The following IHO1 variants were observed in gnomAD, a reference collection of about 807,000 sequenced individuals.
IHO1 encodes the protein interactor of HORMAD1 protein 1.
In IHO1, 13 loss-of-function variants were observed where a neutral mutation model predicts 31.0. The ratio of observed to expected loss-of-function variants is 0.42; its 90% confidence interval spans 0.27 to 0.67. The LOEUF is 0.67. IHO1 is among the 30% of genes least tolerant of loss of function. IHO1 has a pLI of 0.24. For missense variants in IHO1, 599 were observed against 687.5 expected (o/e 0.87, Z 1.44); for synonymous variants, 221 against 248.4 (o/e 0.89, Z 1.04).
intron 2 of IHO1, among the ~76,000 whole-genome samples, chr3:49,221,573 A>G (rs192287647): frequency 6.6e-6 from 1 of 152,260 alleles, no homozygotes; most frequent in East Asian, 1.9e-4. Flanking sequence ...CGCTATAGCT[A>G]CTTCCTGCTG....
At position 49,236,656 on chromosome 3, in the gene IHO1, A is replaced by G. The variant is rs1372876547; in HGVS notation, c.165A>G (p.Leu55=). The part of the protein sequence containing the change: ...SQFCPENSET[L]SAPLDFGAHL... The stretch of plus-strand genomic sequence containing the variant: ...TCTGTCCAGAAAATTCAGAAACCCT[A>G]TCAGCACCCTTGGACTTTGGTGCCC... Residue 55 remains leucine (L), a synonymous_variant, in exon 3 of 8, where the codon CTA becomes CTG. Coordinates refer to ENST00000452691, the MANE Select transcript of IHO1 (RefSeq NM_001135197.2). The G allele has an allele frequency of 1.2e-6, 2 of 1,614,100 alleles. No homozygotes were observed. The highest frequency in any genetic ancestry group is 1.7e-6 in the Non-Finnish European group (2 of 1,179,966).
chr3:49,195,191 G>A (rs887546141), upstream of IHO1, among the ~76,000 whole-genome samples: 1 of 152,144 alleles, frequency 6.6e-6, no homozygotes, highest in Non-Finnish European at 1.5e-5. Context: ...AGGCCGAAGC[G>A]GGCAGATCAC....
chr3:49,247,390 C>T (rs539222979), intron 6 of IHO1, among the ~76,000 whole-genome samples: 8 of 151,716 alleles, frequency 5.3e-5, no homozygotes, highest in Admixed American at 1.3e-4. Flanking sequence ...GCCACCACAC[C>T]TGGCTATTTT....
At chr3:49,242,038 G>T (rs568901220) in intron 4 of IHO1, among the ~76,000 whole-genome samples, 96 of 151,990 alleles carry the variant, frequency 6.3e-4, no homozygotes, top group Non-Finnish European at 1.2e-3. Flanking sequence ...CCGCCTCCTG[G>T]GTTCAAGTGA....
At chr3:49,255,328 G>C in intron 6 of IHO1, 62 bp from the exon 7 acceptor site, 3 of 1,167,142 alleles carry the variant, frequency 2.6e-6, no homozygotes, top group Admixed American at 2.5e-5. Flanking sequence ...TCTGTGGTTT[G>C]GGCAGATGGG....
intron 1 of IHO1, among the ~76,000 whole-genome samples, chr3:49,206,156 G>A (rs2046133816): frequency 6.6e-6 from 1 of 152,114 alleles, no homozygotes; most frequent in Non-Finnish European, 1.5e-5. Flanking sequence ...AGTAGAGACG[G>A]GGTTTCACCA....
upstream of IHO1, among the ~76,000 whole-genome samples, chr3:49,194,292 G>GTATATATATATATATATA (rs141683116): frequency 1.5e-4 from 18 of 120,172 alleles, no homozygotes; most frequent in African/African-American, 4.9e-4. Flanking sequence ...AGTACAAAGT[G>GTATATATATATATATATA]TATATATATA....
intron 1 of IHO1, among the ~76,000 whole-genome samples, chr3:49,202,862 T>G (rs550252942): frequency 7.0e-6 from 1 of 142,746 alleles, no homozygotes; most frequent in African/African-American, 2.6e-5. Context: ...TTTTTTTTTT[T>G]TTTTTTTTTT....
chr3:49,252,906 G>GTGTT (rs2046777290), intron 6 of IHO1, among the ~76,000 whole-genome samples: 2 of 152,078 alleles, frequency 1.3e-5, no homozygotes, highest in Non-Finnish European at 2.9e-5. Flanking sequence ...GCTGGGCATG[G>GTGTT]TGTTGCGTGC....
chr3:49,201,880 T>G (rs960852975), intron 1 of IHO1, among the ~76,000 whole-genome samples: 12 of 152,190 alleles, frequency 7.9e-5, no homozygotes, highest in South Asian at 2.1e-4. Context: ...ATCGCAACAT[T>G]GCACTCCAAC....
intron 4 of IHO1, among the ~76,000 whole-genome samples, chr3:49,243,301 C>T (rs913659010): frequency 3.3e-5 from 5 of 152,152 alleles, no homozygotes; most frequent in African/African-American, 1.2e-4. Flanking sequence ...TGACACCATG[C>T]CCAGCTAATA....
intron 2 of IHO1, among the ~76,000 whole-genome samples, chr3:49,218,895 C>T (rs756062280): frequency 1.7e-4 from 26 of 152,048 alleles, no homozygotes; most frequent in Non-Finnish European, 3.1e-4. Flanking sequence ...ATTAGCTGGG[C>T]GTGGTGATGC....
At chr3:49,237,887 CTTTTTTTTTTT>C (rs574951773) in intron 3 of IHO1, among the ~76,000 whole-genome samples, 15 of 51,440 alleles carry the variant, frequency 2.9e-4, no homozygotes, top group East Asian at 6.5e-4. Flanking sequence ...CTGTCTTTTC[CTTTTTTTTTTT>C]TTTTTTTTTT....
intron 2 of IHO1, among the ~76,000 whole-genome samples, chr3:49,221,852 G>A (rs184246946): frequency 3.5e-4 from 53 of 152,336 alleles, no homozygotes; most frequent in African/African-American, 8.4e-4. Context: ...AAGCCTTGTC[G>A]CCCAACTCCA....
Position 49,221,412 on chromosome 3 carries a change from C to T in IHO1, c.56+9576C>T, listed in dbSNP as rs546674990. 8.5e-5 allele frequency among the ~76,000 whole-genome samples: 13 copies of T among 152,252 alleles called. No individual in the cohort carries two copies. In the South Asian group the frequency reaches 1.0e-3, roughly 12 times the overall value. ...GTGCATTTACAATCCTTTAGCTAGA[C>T]ACAGAGCGCTGATTGGTGCAGTTAC... On this transcript the variant is annotated intron_variant, in intron 2 of 7. Transcript: ENST00000452691.
intron 1 of IHO1, among the ~76,000 whole-genome samples, chr3:49,201,121 G>C (rs1280544502): frequency 2.0e-5 from 3 of 151,772 alleles, no homozygotes; most frequent in Non-Finnish European, 4.4e-5. Context: ...AGCCTCCCAA[G>C]TAGCTGGGAC....
Position 49,236,654 on chromosome 3 carries a change from CT to C in IHO1, c.164del (p.Leu55HisfsTer11). On this transcript the variant is annotated frameshift_variant, in exon 3 of 8. Transcript: ENST00000452691. LOFTEE classifies it high-confidence loss of function. ...GTTCTGTCCAGAAAATTCAGAAACC[CT>C]ATCAGCACCCTTGGACTTTGGTGCC... ...SQFCPENSETLSAPLDFGAHL... is the reference protein window; with the variant it reads ...SQFCPENSETXSAPLDFGAHL... 6.2e-7 allele frequency: 1 copy of C among 1,614,086 alleles called. No individual in the cohort carries two copies. The highest frequency in any genetic ancestry group is 8.5e-7 in the Non-Finnish European group (1 of 1,179,970).
intron 2 of IHO1, chr3:49,213,891 T>C: frequency 6.4e-6 from 2 of 313,494 alleles, no homozygotes; most frequent in Non-Finnish European, 7.0e-6. Context: ...GCTCCCATAG[T>C]GCAGCGACAG....
At chr3:49,234,584 A>G (rs1322513721) in intron 2 of IHO1, among the ~76,000 whole-genome samples, 3 of 151,938 alleles carry the variant, frequency 2.0e-5, no homozygotes, top group Non-Finnish European at 2.9e-5. Flanking sequence ...TCCAAATACT[A>G]TCACATCAGG....
Sources: gnomAD v4.1 joint callset for allele counts (sites outside exome capture counted in the v4.1 genomes callset) on GRCh38, gnomAD v4.1.1 for gene constraint, MANE v1.5 for transcripts, NCBI Gene and HGNC (gene_info 2026-07-23, HGNC 2026-07-21) for gene names.